The following XKR9 variants were observed in gnomAD, a reference collection of about 807,000 sequenced individuals.
XKR9 encodes the protein XK-related protein 9.
XKR9 carries 32 observed loss-of-function variants against 32.0 expected under a neutral mutation model. The observed-to-expected ratio is 1.00, with a 90% CI of 0.76 to 1.34. The LOEUF is 1.34. XKR9 is among the 40% of genes most tolerant of loss of function. The pLI, the probability that XKR9 is intolerant of heterozygous loss-of-function variation, is 0.00. For missense variants in XKR9, 546 were observed against 429.7 expected (o/e 1.27, Z -2.39); for synonymous variants, 168 against 143.4 (o/e 1.17, Z -1.22).
chr8:70,749,152 A>G (rs1291174257), intron 2 of XKR9, among the ~76,000 whole-genome samples: 1 of 152,248 alleles, frequency 6.6e-6, no homozygotes, highest in Non-Finnish European at 1.5e-5. Context: ...TCTGTCACTC[A>G]GTGAAGATCT....
At chr8:70,811,291 G>T in the XKR9 span, among the ~76,000 whole-genome samples, 1 of 152,132 alleles carries the variant, frequency 6.6e-6, no homozygotes, top group East Asian at 1.9e-4. Flanking sequence ...ATTCAAAGCA[G>T]TGTGTAGAGG....
chr8:71,032,712 C>T, the XKR9 span, among the ~76,000 whole-genome samples: 1 of 152,142 alleles, frequency 6.6e-6, no homozygotes, highest in African/African-American at 2.4e-5. Flanking sequence ...GTTTGTAAAG[C>T]ACTTCATATG....
intron 3 of XKR9, among the ~76,000 whole-genome samples, chr8:70,698,650 A>G (rs1187270874): frequency 1.1e-4 from 17 of 152,060 alleles, no homozygotes; most frequent in African/African-American, 3.6e-4. Context: ...GCTGAAAAAA[A>G]TGTATATTCT....
the XKR9 span, among the ~76,000 whole-genome samples, chr8:70,803,984 C>T: frequency 1.9e-4 from 29 of 152,320 alleles, no homozygotes; most frequent in Admixed American, 1.3e-4. Context: ...TTCTGGGTGT[C>T]TCCCAGGACA....
the XKR9 span, among the ~76,000 whole-genome samples, chr8:70,865,239 A>G: frequency 3.3e-5 from 5 of 150,960 alleles, no homozygotes; most frequent in Admixed American, 6.6e-5. Flanking sequence ...AGAATCTTTC[A>G]TTTATATTTT....
At chr8:70,795,437 G>A in the XKR9 span, among the ~76,000 whole-genome samples, 1 of 151,940 alleles carries the variant, frequency 6.6e-6, no homozygotes, top group Non-Finnish European at 1.5e-5. Flanking sequence ...ATGAACATAT[G>A]GACACATGTC....
chr8:71,000,244 C>T, the XKR9 span, among the ~76,000 whole-genome samples: 1 of 152,190 alleles, frequency 6.6e-6, no homozygotes, highest in Non-Finnish European at 1.5e-5. Flanking sequence ...CCAGCTATCT[C>T]ATTTTTTTGA....
chr8:70,695,128 C>CTTTTTTTTT (rs149186256), intron 3 of XKR9, among the ~76,000 whole-genome samples: 5 of 125,250 alleles, frequency 4.0e-5, no homozygotes, highest in African/African-American at 6.4e-5. Context: ...CCTTGTTTTT[C>CTTTTTTTTT]TTTTTTTTTT....
chr8:70,803,838 C>A, the XKR9 span, among the ~76,000 whole-genome samples: 1 of 152,176 alleles, frequency 6.6e-6, no homozygotes, highest in Admixed American at 6.5e-5. Flanking sequence ...ATCTGGTGAC[C>A]AAGTGCTTCC....
the XKR9 span, among the ~76,000 whole-genome samples, chr8:70,857,592 G>A: frequency 2.6e-5 from 4 of 152,106 alleles, no homozygotes; most frequent in African/African-American, 9.7e-5. Flanking sequence ...AGAAAAAGAG[G>A]GAATCCTCCC....
chr8:71,035,418 T>A, the XKR9 span, among the ~76,000 whole-genome samples: 1 of 152,222 alleles, frequency 6.6e-6, no homozygotes, highest in Non-Finnish European at 1.5e-5. Flanking sequence ...ACCTAACTTA[T>A]GTGTTGTTGT....
the XKR9 span, among the ~76,000 whole-genome samples, chr8:70,843,639 G>A: frequency 6.6e-6 from 1 of 152,206 alleles, no homozygotes; most frequent in African/African-American, 2.4e-5. Flanking sequence ...GGAACCTGGG[G>A]AGGTTCCCTA....
At chr8:70,821,124 G>A in the XKR9 span, among the ~76,000 whole-genome samples, 31 of 152,322 alleles carry the variant, frequency 2.0e-4, no homozygotes, top group African/African-American at 6.3e-4. Flanking sequence ...TACAGGCATT[G>A]GGTAAATATA....
At chr8:70,739,756 G>T (rs1480881530), downstream of XKR9, among the ~76,000 whole-genome samples, 10 of 152,098 alleles carry the variant, frequency 6.6e-5, no homozygotes, top group Admixed American at 2.0e-4. Flanking sequence ...TGAAATTCTG[G>T]GTTGAAAATT....
chr8:70,843,031 G>A, the XKR9 span, among the ~76,000 whole-genome samples: 1 of 152,154 alleles, frequency 6.6e-6, no homozygotes, highest in African/African-American at 2.4e-5. Flanking sequence ...ATTAAGTCGG[G>A]ATGCACGCCC....
At chr8:70,726,016 A>G (rs376353495) in intron 4 of XKR9, among the ~76,000 whole-genome samples, 11 of 152,324 alleles carry the variant, frequency 7.2e-5, no homozygotes, top group South Asian at 2.1e-4. Flanking sequence ...GATAAACTCA[A>G]TCTAACTTGT....
the XKR9 span, among the ~76,000 whole-genome samples, chr8:70,906,271 C>T: frequency 6.6e-6 from 1 of 152,206 alleles, no homozygotes; most frequent in Non-Finnish European, 1.5e-5. Context: ...CTGCGGTGGC[C>T]TCCACCCAGT....
chr8:70,723,405 A>C (rs1325471421), intron 4 of XKR9, among the ~76,000 whole-genome samples: 1 of 152,198 alleles, frequency 6.6e-6, no homozygotes, highest in African/African-American at 2.4e-5. Context: ...TGGAATTTTC[A>C]GCATTTTTGT....
chr8:70,687,395 T>C (rs6981133), intron 3 of XKR9, among the ~76,000 whole-genome samples: 2 of 147,830 alleles, frequency 1.4e-5, no homozygotes, highest in East Asian at 2.0e-4. Context: ...CTCTTTCTCT[T>C]TCTCTCTCTC....
Sources: gnomAD v4.1 joint callset for allele counts (sites outside exome capture counted in the v4.1 genomes callset) on GRCh38, gnomAD v4.1.1 for gene constraint, MANE v1.5 for transcripts, NCBI Gene and HGNC (gene_info 2026-07-23, HGNC 2026-07-21) for gene names.